SLC24A2: variants seen among roughly 807,000 people sequenced by gnomAD.
SLC24A2 encodes sodium/potassium/calcium exchanger 2.
SLC24A2 carries 36 observed loss-of-function variants against 62.0 expected under a neutral mutation model. The ratio of observed to expected loss-of-function variants is 0.58; its 90% CI spans 0.44 to 0.77. The LOEUF is 0.77. SLC24A2 is among the 30% of genes least tolerant of loss of function. The pLI is 0.00. For missense variants in SLC24A2, 846 were observed against 817.9 expected (o/e 1.03, Z -0.42); for synonymous variants, 358 against 294.0 (o/e 1.22, Z -2.23).
At chr9:19,813,765 C>T in the SLC24A2 span, among the ~76,000 whole-genome samples, 1 of 151,926 alleles carries the variant, frequency 6.6e-6, no homozygotes, top group Non-Finnish European at 1.5e-5. Flanking sequence ...AGGTGCAGAC[C>T]CCCTGAATGG....
the SLC24A2 span, among the ~76,000 whole-genome samples, chr9:20,217,299 T>C: frequency 6.6e-6 from 1 of 152,188 alleles, no homozygotes; most frequent in Admixed American, 6.5e-5. Context: ...AGCTTAGCAG[T>C]TACCTTTGCA....
chr9:19,621,619 C>A (rs1817910893), intron 3 of SLC24A2, among the ~76,000 whole-genome samples: 1 of 152,096 alleles, frequency 6.6e-6, no homozygotes, highest in Non-Finnish European at 1.5e-5. Flanking sequence ...AAGGTTGTTT[C>A]TTTACGATGG....
chr9:19,584,061 G>C (rs1042440360), intron 5 of SLC24A2, among the ~76,000 whole-genome samples: 1 of 151,958 alleles, frequency 6.6e-6, no homozygotes, highest in Non-Finnish European at 1.5e-5. Flanking sequence ...CTGCCCACAT[G>C]CCTGCTTTCC....
chr9:20,053,605 G>C, the SLC24A2 span, among the ~76,000 whole-genome samples: 1 of 152,202 alleles, frequency 6.6e-6, no homozygotes, highest in East Asian at 1.9e-4. Context: ...GGATGATTAG[G>C]TCATGAGGGT....
the SLC24A2 span, among the ~76,000 whole-genome samples, chr9:19,801,375 C>A: frequency 6.6e-6 from 1 of 152,194 alleles, no homozygotes; most frequent in Admixed American, 6.5e-5. Flanking sequence ...ACAGCAGACA[C>A]CCTGCTGGAT....
intron 2 of SLC24A2, chr9:19,705,581 C>A (rs1820488864): frequency 8.7e-6 from 2 of 230,036 alleles, no homozygotes; most frequent in Non-Finnish European, 1.9e-5. Flanking sequence ...CCAAAACTAG[C>A]CAGGACTAGT....
the SLC24A2 span, among the ~76,000 whole-genome samples, chr9:20,224,399 C>G: frequency 6.6e-6 from 1 of 151,800 alleles, no homozygotes; most frequent in Non-Finnish European, 1.5e-5. Flanking sequence ...AATAACACAT[C>G]CAATCATAAC....
At chr9:20,277,200 C>G in the SLC24A2 span, among the ~76,000 whole-genome samples, 1 of 152,168 alleles carries the variant, frequency 6.6e-6, no homozygotes, top group Non-Finnish European at 1.5e-5. Context: ...ACTAAAACAT[C>G]AAAAGCAATG....
chr9:19,689,744 G>A (rs1266947243), intron 2 of SLC24A2, among the ~76,000 whole-genome samples: 1 of 152,108 alleles, frequency 6.6e-6, no homozygotes, highest in African/African-American at 2.4e-5. Flanking sequence ...CATCTCAAGT[G>A]TCTTAGAGGC....
chr9:19,636,289 CTTT>C (rs1231700861), intron 2 of SLC24A2, among the ~76,000 whole-genome samples: 1,039 of 40,784 alleles, frequency 0.025, 39 homozygotes, highest in Middle Eastern at 0.064. Flanking sequence ...TTCTTCTCTT[CTTT>C]TCTTTTCTTT....
chr9:20,078,952 G>A, the SLC24A2 span, among the ~76,000 whole-genome samples: 4 of 152,256 alleles, frequency 2.6e-5, no homozygotes, highest in South Asian at 8.3e-4. Context: ...TTTTTGTAGT[G>A]GATTGAATGG....
At chr9:20,293,825 A>G in the SLC24A2 span, among the ~76,000 whole-genome samples, 4 of 152,122 alleles carry the variant, frequency 2.6e-5, no homozygotes, top group African/African-American at 9.7e-5. Flanking sequence ...TTTATTTAGT[A>G]CAATGTCCAC....
At chr9:20,271,311 G>A in the SLC24A2 span, among the ~76,000 whole-genome samples, 2 of 152,326 alleles carry the variant, frequency 1.3e-5, no homozygotes, top group East Asian at 3.9e-4. Context: ...GACTGTAGAT[G>A]TCACCAACAG....
At chr9:19,543,219 G>A (rs6475347) in intron 8 of SLC24A2, among the ~76,000 whole-genome samples, 11,366 of 152,162 alleles carry the variant, frequency 0.075, 1,415 homozygotes, top group African/African-American at 0.26. Flanking sequence ...TTTGCATAGA[G>A]GTGTTTATAG....
At chr9:19,745,162 C>G (rs1424745090) in intron 2 of SLC24A2, among the ~76,000 whole-genome samples, 1 of 152,102 alleles carries the variant, frequency 6.6e-6, no homozygotes, top group African/African-American at 2.4e-5. Flanking sequence ...TGCTCCACCC[C>G]TCTTGCTCTG....
the SLC24A2 span, among the ~76,000 whole-genome samples, chr9:20,121,414 G>A: frequency 6.6e-6 from 1 of 152,058 alleles, no homozygotes. Context: ...CCAGGGGTTG[G>A]AAAACTTTTT....
the SLC24A2 span, among the ~76,000 whole-genome samples, chr9:20,050,384 C>G: frequency 3.3e-5 from 5 of 152,000 alleles, no homozygotes; most frequent in South Asian, 8.3e-4. Context: ...CCACTGCACT[C>G]TAGCCTGGAT....
chr9:19,831,480 T>G, the SLC24A2 span, among the ~76,000 whole-genome samples: 1 of 152,164 alleles, frequency 6.6e-6, no homozygotes, highest in Non-Finnish European at 1.5e-5. Flanking sequence ...ATATTGAAAC[T>G]TGAAGAAAAA....
intron 2 of SLC24A2, among the ~76,000 whole-genome samples, chr9:19,666,985 AAATT>A (rs993602381): frequency 1.3e-5 from 2 of 152,248 alleles, no homozygotes; most frequent in African/African-American, 2.4e-5. Flanking sequence ...CACTCAGTAC[AAATT>A]AATAAAGATC....
Sources: gnomAD v4.1 joint callset for allele counts (sites outside exome capture counted in the v4.1 genomes callset) on GRCh38, gnomAD v4.1.1 for gene constraint, MANE v1.5 for transcripts, NCBI Gene and HGNC (gene_info 2026-07-23, HGNC 2026-07-21) for gene names.